Variants in ZNF676 observed in about 807,000 individuals in gnomAD.
ZNF676 encodes zinc finger protein 676.
In ZNF676, 4 loss-of-function variants were observed where a neutral mutation model predicts 6.0. That is an observed-to-expected ratio of 0.67 (90% CI 0.33 to 1.53). The LOEUF (loss-of-function observed/expected upper bound fraction) is 1.53. Among genes scored for constraint, ZNF676 ranks in the 40% most tolerant of loss-of-function variants. The probability of loss-of-function intolerance (pLI) is 0.06; values close to 1 mark genes in which losing one functional copy is unlikely to be tolerated. For synonymous variants in ZNF676, 198 were observed against 223.1 expected, an observed-to-expected ratio of 0.89 and a Z score of 1.00; for missense variants, 644 against 679.7, an observed-to-expected ratio of 0.95 and a Z score of 0.58.
intron 2 of ZNF676, among the ~76,000 whole-genome samples, chr19:22,191,537 A>G (rs973456190): frequency 1.3e-5 from 2 of 152,096 alleles, no homozygotes; most frequent in Non-Finnish European, 2.9e-5. Context: ...AGTTCTGCCT[A>G]CATAGAATCC....
the ZNF676 span, among the ~76,000 whole-genome samples, chr19:22,247,259 T>C: frequency 1.3e-5 from 2 of 152,062 alleles, no homozygotes; most frequent in Non-Finnish European, 2.9e-5. Context: ...AAGGTTCAAG[T>C]CCTTTCTAAG....
In ZNF676 at chr19:22,181,548, G is replaced by A; in HGVS notation, c.169C>T (p.Gln57Ter). 1 of 1,593,480 alleles carries A rather than the reference G, an allele frequency of 6.3e-7. No individual in the cohort carries two copies. The highest frequency in any genetic ancestry group is 8.5e-7 in the Non-Finnish European group (1 of 1,172,262). Residue 57 changes from glutamine (Q) to a stop codon, truncating the protein, a stop_gained, in exon 3 of 3, where the codon CAA becomes TAA. Coordinates refer to ENST00000397121, the MANE Select transcript of ZNF676 (RefSeq NM_001001411.3). LOFTEE classifies it low-confidence loss of function (END_TRUNC). ...TTTTGGAAAGAATCTTCTATGCCTT[G>A]CTCTGGCCAAAACTCTTGGGAAAAA... The part of the protein sequence containing the change: ...SHFSQEFWPE[Q>*]GIEDSFQKMI...
upstream of ZNF676, among the ~76,000 whole-genome samples, chr19:22,219,362 G>C (rs936095936): frequency 2.6e-5 from 4 of 152,082 alleles, no homozygotes; most frequent in African/African-American, 9.7e-5. Context: ...ATGTCCCAAA[G>C]TGCTGGGATT....
upstream of ZNF676, among the ~76,000 whole-genome samples, chr19:22,216,085 A>G (rs1035183975): frequency 1.3e-5 from 2 of 152,240 alleles, no homozygotes; most frequent in Non-Finnish European, 2.9e-5. Flanking sequence ...CATGTTAATA[A>G]TACATAAAAC....
intron 1 of ZNF676, among the ~76,000 whole-genome samples, chr19:22,193,696 T>C (rs990846783): frequency 3.3e-5 from 5 of 152,118 alleles, no homozygotes; most frequent in African/African-American, 1.2e-4. Flanking sequence ...GAAACTCCCA[T>C]ACAAAAAATT....
At chr19:22,199,814 AAAT>A (rs1184915528), upstream of ZNF676, among the ~76,000 whole-genome samples, 2 of 152,222 alleles carry the variant, frequency 1.3e-5, no homozygotes, top group Non-Finnish European at 2.9e-5. Flanking sequence ...ACAAGTTGCT[AAAT>A]AATGTCTCTG....
intron 1 of ZNF676, among the ~76,000 whole-genome samples, chr19:22,209,510 G>A (rs1336270466): frequency 6.6e-6 from 1 of 152,004 alleles, no homozygotes; most frequent in East Asian, 1.9e-4. Flanking sequence ...AGGGTGGGAG[G>A]ACTAAAAGGG....
At chr19:22,188,573 C>T (rs1201866164) in intron 2 of ZNF676, among the ~76,000 whole-genome samples, 1 of 152,136 alleles carries the variant, frequency 6.6e-6, no homozygotes, top group Non-Finnish European at 1.5e-5. Context: ...GTCAAATAGT[C>T]TCTATTTGCA....
chr19:22,216,645 TG>T (rs1323181352), upstream of ZNF676, among the ~76,000 whole-genome samples: 1 of 151,472 alleles, frequency 6.6e-6, no homozygotes, highest in African/African-American at 2.4e-5. Flanking sequence ...AACCTTAAGC[TG>T]TTTTTTGAGA....
the ZNF676 span, among the ~76,000 whole-genome samples, chr19:22,252,466 AG>A: frequency 6.6e-6 from 1 of 151,814 alleles, no homozygotes; most frequent in South Asian, 2.1e-4. Context: ...CAAATCACCT[AG>A]GCGCTGGGCC....
At chr19:22,187,267 A>T (rs2023851555) in intron 2 of ZNF676, among the ~76,000 whole-genome samples, 1 of 152,222 alleles carries the variant, frequency 6.6e-6, no homozygotes. Context: ...CTCCTGAATG[A>T]CTACAGGGTA....
chr19:22,192,950 T>C (rs1187239909), intron 2 of ZNF676, 66 bp downstream of exon 2: 44 of 1,480,328 alleles, frequency 3.0e-5, no homozygotes, highest in South Asian at 1.7e-4. Context: ...CAAATGACTT[T>C]AAGGACTGGC....
chr19:22,210,897 A>C (rs1184422379), intron 1 of ZNF676, among the ~76,000 whole-genome samples: 3 of 152,188 alleles, frequency 2.0e-5, no homozygotes, highest in Admixed American at 6.5e-5. Flanking sequence ...AACACTCCTA[A>C]GAACACACTG....
chr19:22,246,204 T>C, the ZNF676 span, among the ~76,000 whole-genome samples: 1 of 152,096 alleles, frequency 6.6e-6, no homozygotes, highest in African/African-American at 2.4e-5. Flanking sequence ...ATAATACCCC[T>C]GTAGGCAGGG....
At chr19:22,233,116 T>C in the ZNF676 span, among the ~76,000 whole-genome samples, 2 of 152,152 alleles carry the variant, frequency 1.3e-5, no homozygotes, top group African/African-American at 2.4e-5. Flanking sequence ...ATGCAGCACA[T>C]ATATAAAATT....
the ZNF676 span, among the ~76,000 whole-genome samples, chr19:22,237,845 C>A: frequency 6.6e-6 from 1 of 152,160 alleles, no homozygotes; most frequent in Non-Finnish European, 1.5e-5. Context: ...CCATTCTTTT[C>A]CAATCAGTGT....
At chr19:22,241,493 G>A in the ZNF676 span, among the ~76,000 whole-genome samples, 2 of 152,002 alleles carry the variant, frequency 1.3e-5, no homozygotes, top group South Asian at 2.1e-4. Flanking sequence ...CACTGCCTCT[G>A]AGTGGGAGAT....
chr19:22,193,859 T>C (rs1463722963), intron 1 of ZNF676, among the ~76,000 whole-genome samples: 1 of 152,048 alleles, frequency 6.6e-6, no homozygotes. Flanking sequence ...GTGTGGTTAA[T>C]AATGGAGTGC....
intron 1 of ZNF676, among the ~76,000 whole-genome samples, chr19:22,215,454 A>G (rs1444279664): frequency 2.0e-5 from 3 of 152,312 alleles, no homozygotes; most frequent in Admixed American, 2.0e-4. Context: ...GGGAAGAGAC[A>G]GGACGCCCGG....
Sources: allele counts gnomAD v4.1 joint callset (sites outside exome capture counted in the v4.1 genomes callset), GRCh38; gene constraint gnomAD v4.1.1; transcripts MANE v1.5; gene names NCBI Gene and HGNC (gene_info 2026-07-23, HGNC 2026-07-21).